Variants in UNC45A observed in about 807,000 individuals in gnomAD.
The protein encoded by UNC45A is protein unc-45 homolog A.
Under a neutral mutation model 103.2 loss-of-function variants are expected in UNC45A, and 78 were observed. The observed-to-expected ratio is 0.76, with a 90% CI of 0.63 to 0.91. UNC45A has a LOEUF of 0.91. UNC45A is among the 40% of genes least tolerant of loss of function. The pLI is 0.00. For synonymous variants in UNC45A, 495 were observed against 504.6 expected, an observed-to-expected ratio of 0.98 and a Z score of 0.25; for missense variants, 1,193 against 1,224.8, an observed-to-expected ratio of 0.97 and a Z score of 0.39.
In UNC45A at chr15:90,953,892, C is replaced by A; in HGVS notation, c.*176C>A. 1 of 892,080 alleles carries A rather than the reference C, an allele frequency of 1.1e-6. No individual in the cohort carries two copies. The allele number at this position is 892,080 out of a possible 1,614,324, so 55.3% of individuals were successfully genotyped here. A position where few individuals can be genotyped will look rare whatever the true frequency, so the allele number is the denominator to read the frequency against. Reference sequence around the variant, plus strand: ...TCAGCGGCCACGTTCAGTCACACAGCCCTGCTTGGCCAGCACTGCCTGCAG... The same window carrying A: ...TCAGCGGCCACGTTCAGTCACACAGACCTGCTTGGCCAGCACTGCCTGCAG... On this transcript the variant is annotated 3_prime_UTR_variant, in exon 20 of 20. Transcript: ENST00000418476.
At chr15:90,951,634 A>G (rs143235242) in intron 17 of UNC45A, among the ~76,000 whole-genome samples, 252 of 152,312 alleles carry the variant, frequency 1.7e-3, no homozygotes, top group African/African-American at 5.9e-3. Flanking sequence ...CAGGAAGAAT[A>G]GCTAATGCAT....
upstream of UNC45A, chr15:90,932,505 G>A (rs562598170): frequency 2.3e-6 from 3 of 1,307,152 alleles, no homozygotes; most frequent in African/African-American, 4.6e-5. Context: ...CCGCGAAGTC[G>A]GCAGCCTCCA....
chr15:90,934,346 C>T (rs923750691), upstream of UNC45A: 1 of 399,190 alleles, frequency 2.5e-6, no homozygotes, highest in Non-Finnish European at 4.4e-6. Flanking sequence ...CAGCTCTGGT[C>T]CACCACCCTC....
chr15:90,948,235 G>C lies in UNC45A; in HGVS notation c.1689G>C (p.Glu563Asp). The change falls in exon 12 of 20, where the codon GAG (glutamate) becomes GAC (aspartate). Residue 563 changes from glutamate to aspartate, a missense_variant. Transcript: ENST00000418476. ...YLTFDADVKE[E>D]FVEDAAALKA... ...CCTTTGATGCCGACGTGAAGGAAGA[G>C]TTTGTGGAGGATGCGGCTGCTCTGA... is the stretch of plus-strand genomic sequence containing the variant. The C allele has an allele frequency of 6.2e-7, 1 of 1,614,150 alleles. No homozygotes were observed. The highest frequency in any genetic ancestry group is 1.1e-5 in the South Asian group (1 of 91,082).
chr15:90,932,197 CT>C (rs2035824152), upstream of UNC45A: 8 of 1,380,530 alleles, frequency 5.8e-6, no homozygotes, highest in South Asian at 8.5e-5. Flanking sequence ...GATGTGGCCC[CT>C]TGTGGACTCT....
chr15:90,945,698 C>T, intron 9 of UNC45A, among the ~76,000 whole-genome samples: 1 of 146,772 alleles, frequency 6.8e-6, no homozygotes, highest in Non-Finnish European at 1.5e-5. Flanking sequence ...ATGGTATGAT[C>T]TTGGCTCATT....
In UNC45A at chr15:90,939,884, C is replaced by CTTCA; in HGVS notation, c.519+61_519+62insTTCA. On this transcript the variant is annotated intron_variant, in intron 5 of 19. Transcript: ENST00000418476. ...CACTAGAGCCACCCATCCATAGGCC[C>CTTCA]CCGAAGCCACTGCTGCCTTGCTCTG... 6.7e-6 allele frequency: 10 copies of CTTCA among 1,496,932 alleles called. No individual in the cohort carries two copies. In the Admixed American group the frequency reaches 9.1e-5, roughly 14 times the overall value. 92.7% of individuals were successfully genotyped at this position (1,496,932 alleles called of 1,614,324 possible). A position where few individuals can be genotyped will look rare whatever the true frequency, so the allele number is the denominator to read the frequency against.
intron 15 of UNC45A, 195 bp from the exon 16 acceptor site, chr15:90,949,959 C>T (rs1011991514): frequency 9.0e-6 from 6 of 669,574 alleles, no homozygotes; most frequent in Non-Finnish European, 1.5e-5. Flanking sequence ...CCCCCATGGC[C>T]CTGGTGCTCA....
chr15:90,939,366 A>G (rs922394505), intron 4 of UNC45A, among the ~76,000 whole-genome samples: 3 of 152,256 alleles, frequency 2.0e-5, no homozygotes, highest in African/African-American at 7.2e-5. Context: ...GCTCCCTGGC[A>G]GGAGGTATAA....
chr15:90,945,703 C>G (rs946650099), intron 9 of UNC45A, among the ~76,000 whole-genome samples: 1 of 148,254 alleles, frequency 6.7e-6, no homozygotes, highest in Non-Finnish European at 1.5e-5. Flanking sequence ...ATGATCTTGG[C>G]TCATTGCAAC....
upstream of UNC45A, chr15:90,933,930 G>A: frequency 2.5e-6 from 1 of 397,046 alleles, no homozygotes; most frequent in Non-Finnish European, 4.4e-6. Context: ...TATTAATGGT[G>A]CCCAAGGGCC....
At chr15:90,950,125 C>T in intron 15 of UNC45A, 29 bp from the exon 16 acceptor site, 1 of 1,547,826 alleles carries the variant, frequency 6.5e-7, no homozygotes, top group East Asian at 2.4e-5. Context: ...CCAGGGATGT[C>T]CTGAGCAGTG....
Position 90,953,916 on chromosome 15 carries a change from A to G in UNC45A, c.*200A>G, listed in dbSNP as rs1343771579. The G allele has an allele frequency of 1.4e-6, 1 of 720,744 alleles. No homozygotes were observed. Among genetic ancestry groups the G allele is most frequent in the African/African-American group, 1.8e-5 (1 of 56,236 alleles). The allele number at this position is 720,744 out of a possible 1,614,324, so 44.6% of individuals were successfully genotyped here. On this transcript the variant is annotated 3_prime_UTR_variant, in exon 20 of 20. Transcript: ENST00000418476. ...GCCCTGCTTGGCCAGCACTGCCTGC[A>G]GCCTCACTCAGAGGGGCCCTTTTTC...
chr15:90,942,444 C>A lies in UNC45A; in HGVS notation c.695C>A (p.Ala232Glu). The change falls in exon 7 of 20, where the codon GCA becomes GAA. Residue 232 changes from alanine (A) to glutamate (E), a missense_variant. Coordinates refer to ENST00000418476, the MANE Select transcript of UNC45A (RefSeq NM_018671.5). Reference protein sequence around the residue: ...ICSEHQSRTVATLSILGTRRV... With the variant: ...ICSEHQSRTVETLSILGTRRV... ...TTACCTCTCCCACCCCAGACAGTGG[C>A]AACCCTGAGCATACTGGGAACTCGG... 6.2e-7 allele frequency: 1 copy of A among 1,609,756 alleles called. No homozygotes were observed. Among genetic ancestry groups the A allele is most frequent in the Non-Finnish European group, 8.5e-7 (1 of 1,177,400 alleles).
At position 90,953,793 on chromosome 15, in the gene UNC45A, G is replaced by C; in HGVS notation, c.*77G>C. 1 of 1,529,050 alleles carries C rather than the reference G, an allele frequency of 6.5e-7. No individual in the cohort carries two copies. 94.7% of individuals were successfully genotyped at this position (1,529,050 alleles called of 1,614,324 possible). A position where few individuals can be genotyped will look rare whatever the true frequency, so the allele number is the denominator to read the frequency against. ...GGAGAGTAAGGACGGAAGCAGCTTT[G>C]GCTGGTGGTGGCTGGCATGCCCAAT... is the stretch of plus-strand genomic sequence containing the variant. On this transcript the variant is annotated 3_prime_UTR_variant, in exon 20 of 20. Transcript: ENST00000418476.
In UNC45A at chr15:90,950,186, C is replaced by T. The variant is rs1237675214; in HGVS notation, c.2106C>T (p.Asp702=). 3.4e-5 allele frequency: 53 copies of T among 1,551,674 alleles called. No homozygotes were observed. Among genetic ancestry groups the T allele is most frequent in the South Asian group, 5.9e-5 (5 of 84,064 alleles). The change falls in exon 16 of 20, where the codon GAC becomes GAT. Residue 702 remains aspartate (D), a synonymous_variant. Coordinates refer to ENST00000418476, the MANE Select transcript of UNC45A (RefSeq NM_018671.5). The part of the protein sequence containing the change: ...ALIPLALEGT[D]VGQTKAAQAL... ...TCCCGCTGGCCCTGGAAGGCACGGA[C>T]GTGGGGCAGACAAAGGCAGCCCAGG... is the stretch of plus-strand genomic sequence containing the variant.
At chr15:90,939,331 T>A (rs984463883) in intron 4 of UNC45A, among the ~76,000 whole-genome samples, 3 of 152,186 alleles carry the variant, frequency 2.0e-5, no homozygotes, top group African/African-American at 7.2e-5. Flanking sequence ...AAAGGAAGTG[T>A]TAGCAACTAC....
chr15:90,947,482 G>T, intron 10 of UNC45A: 1 of 391,154 alleles, frequency 2.6e-6, no homozygotes, highest in South Asian at 3.2e-5. Context: ...AACTCCACCT[G>T]CAGAGGGCTT....
chr15:90,947,467 C>T, intron 10 of UNC45A: 1 of 363,754 alleles, frequency 2.7e-6, no homozygotes, highest in South Asian at 3.4e-5. Context: ...CCCCACATGC[C>T]TCTCAACTCC....
Sources: allele counts gnomAD v4.1 joint callset (sites outside exome capture counted in the v4.1 genomes callset), GRCh38; gene constraint gnomAD v4.1.1; transcripts MANE v1.5; gene names NCBI Gene and HGNC (gene_info 2026-07-23, HGNC 2026-07-21).